ZNF44: variants seen among roughly 807,000 people sequenced by gnomAD.
ZNF44 encodes the protein gonadotropin inducible transcription repressor-2.
A neutral mutation model predicts 11.7 loss-of-function variants in ZNF44; 9 were observed. The ratio of observed to expected loss-of-function variants is 0.77; its 90% confidence interval spans 0.46 to 1.35. ZNF44 has a LOEUF of 1.35. Ranked by LOEUF, ZNF44 falls within the 40% of genes most tolerant of loss-of-function variation. ZNF44 has a pLI of 0.00. For missense variants in ZNF44, 696 were observed against 743.1 expected, an observed-to-expected ratio of 0.94 and a Z score of 0.74; for synonymous variants, 224 against 242.7, an observed-to-expected ratio of 0.92 and a Z score of 0.72.
At chr19:12,292,739 C>T (rs1217805576) in intron 1 of ZNF44, among the ~76,000 whole-genome samples, 1 of 151,748 alleles carries the variant, frequency 6.6e-6, no homozygotes, top group East Asian at 1.9e-4. Context: ...GTCCAGAAGG[C>T]AGAAATCATT....
rs925173379 is a variant in ZNF44 at position 12,272,181 on chromosome 19, T to C, written c.*226A>G. 1 of 580,324 alleles carries C rather than the reference T, an allele frequency of 1.7e-6. No individual in the cohort carries two copies. Among genetic ancestry groups the C allele is most frequent in the Admixed American group, 4.3e-5 (1 of 23,382 alleles). The allele number at this position is 580,324 out of a possible 1,614,324, so 35.9% of individuals were successfully genotyped here. On this transcript the variant is annotated 3_prime_UTR_variant, in exon 4 of 4. Transcript: ENST00000355684. ...CTGGCTATTTTTTTTTTTTTCCGTA[T>C]TTTTAGTAGAGACAGGGTTTCCCAT...
At chr19:12,258,515 T>G (rs549338956) in intron 5 of ZNF44, among the ~76,000 whole-genome samples, 26 of 152,104 alleles carry the variant, frequency 1.7e-4, no homozygotes, top group Admixed American at 1.5e-3. Flanking sequence ...GTCAATCTAA[T>G]TTGTAACTGC....
intron 5 of ZNF44, among the ~76,000 whole-genome samples, chr19:12,257,398 C>G (rs1301796607): frequency 6.6e-6 from 1 of 152,070 alleles, no homozygotes; most frequent in Non-Finnish European, 1.5e-5. Context: ...ACCTATAATC[C>G]CAGCACTTTG....
intron 1 of ZNF44, chr19:12,293,161 C>G (rs1317827740): frequency 6.7e-7 from 1 of 1,482,634 alleles, no homozygotes. Flanking sequence ...TGAGCCACCG[C>G]GCCCAGCCCA....
In ZNF44 at chr19:12,272,858, T is replaced by C. The variant is rs754853245; in HGVS notation, c.1397A>G (p.His466Arg). Reference protein sequence around the residue: ...AFSDLFSFQSHETTHSEEEPY... With the variant: ...AFSDLFSFQSRETTHSEEEPY... ...CTCCTCTTCACTGTGTGTTGTTTCA[T>C]GACTTTGAAAGGAAAATAAATCACT... is the stretch of plus-strand genomic sequence containing the variant. The change falls in exon 4 of 4, where the codon CAT becomes CGT. Residue 466 changes from histidine (H) to arginine (R), a missense_variant. Physicochemically the swap from His to Arg is conservative, Grantham distance 29. Coordinates refer to ENST00000355684, the MANE Select transcript of ZNF44 (RefSeq NM_016264.4). The C allele has an allele frequency of 6.2e-7, 1 of 1,614,124 alleles. No homozygotes were observed. The highest frequency in any genetic ancestry group is 1.1e-5 in the South Asian group (1 of 91,088).
intron 7 of ZNF44, among the ~76,000 whole-genome samples, chr19:12,249,475 C>T (rs1301260632): frequency 3.5e-5 from 5 of 142,382 alleles, no homozygotes; most frequent in African/African-American, 1.3e-4. Context: ...CACTGCACTC[C>T]AGCTTGGGCG....
chr19:12,273,611 T>C lies in ZNF44; in HGVS notation c.644A>G (p.His215Arg). 1 of 1,614,208 alleles carries C rather than the reference T, an allele frequency of 6.2e-7. No homozygotes were observed. Among genetic ancestry groups the C allele is most frequent in the Non-Finnish European group, 8.5e-7 (1 of 1,180,034 alleles). The change falls in exon 4 of 4, where the codon CAT (histidine) becomes CGT (arginine). Residue 215 changes from histidine to arginine, a missense_variant. Physicochemically the swap from His to Arg is conservative, Grantham distance 29. Coordinates refer to ENST00000355684, the MANE Select transcript of ZNF44 (RefSeq NM_016264.4). ...AFFWPSLLRM[H>R]ERTHTGEKPY... Reference sequence around the variant, plus strand: ...TTTCTCTCCAGTGTGAGTTCTTTCATGCATACGTAATAAACTGGGCCAAAA... The same window carrying C: ...TTTCTCTCCAGTGTGAGTTCTTTCACGCATACGTAATAAACTGGGCCAAAA...
chr19:12,276,106 AAAGG>A, intron 1 of ZNF44, 24 bp from the exon 2 acceptor site: 1 of 1,592,838 alleles, frequency 6.3e-7, no homozygotes. Context: ...TATGTCCAGA[AAAGG>A]AAGGTTGAAA....
intron 5 of ZNF44, among the ~76,000 whole-genome samples, chr19:12,255,590 T>C (rs1336013073): frequency 4.6e-5 from 7 of 152,170 alleles, no homozygotes; most frequent in Non-Finnish European, 8.8e-5. Context: ...AACAAGATGC[T>C]TTCCCAGTAA....
chr19:12,293,184 T>C (rs759290630), intron 1 of ZNF44: 3 of 1,519,732 alleles, frequency 2.0e-6, no homozygotes, highest in Non-Finnish European at 2.6e-6. Flanking sequence ...GGTTAGCTTT[T>C]TACAGGAATG....
chr19:12,273,274 G>A lies in ZNF44; in HGVS notation c.981C>T (p.His327=). Residue 327 remains histidine, a synonymous_variant, in exon 4 of 4, where the codon CAC becomes CAT. Coordinates refer to ENST00000355684, the MANE Select transcript of ZNF44 (RefSeq NM_016264.4). ...AFCHLGSFQR[H]MIMHSGDGPH... ...GTCCATCTCCACTGTGCATTATCAT[G>A]TGTCTTTGAAAGCTTCCAAGATGAC... The A allele has an allele frequency of 6.2e-7, 1 of 1,613,466 alleles. No individual in the cohort carries two copies. The highest frequency in any genetic ancestry group is 8.5e-7 in the Non-Finnish European group (1 of 1,179,868).
chr19:12,231,365 C>G (rs1916158926), intron 2 of ZNF44, among the ~76,000 whole-genome samples: 1 of 152,124 alleles, frequency 6.6e-6, no homozygotes, highest in South Asian at 2.1e-4. Context: ...CCCTCCCCGC[C>G]ACTGAACACT....
chr19:12,286,586 G>C (rs1264947269), intron 1 of ZNF44, among the ~76,000 whole-genome samples: 2 of 151,722 alleles, frequency 1.3e-5, no homozygotes, highest in South Asian at 2.1e-4. Flanking sequence ...GCAGTGAGCT[G>C]AGATTGTGCT....
intron 5 of ZNF44, chr19:12,260,187 T>G (rs1487879931): frequency 1.3e-5 from 10 of 769,852 alleles, no homozygotes; most frequent in African/African-American, 5.1e-5. Flanking sequence ...TCAAGAGGAC[T>G]ATGCCGACCT....
chr19:12,256,504 G>A (rs1413237196), intron 5 of ZNF44, among the ~76,000 whole-genome samples: 4 of 151,770 alleles, frequency 2.6e-5, no homozygotes, highest in African/African-American at 7.3e-5. Flanking sequence ...ACAAAAACAC[G>A]CTATTTCTTC....
intron 5 of ZNF44, chr19:12,260,391 C>T: frequency 7.0e-7 from 1 of 1,418,550 alleles, no homozygotes; most frequent in Non-Finnish European, 9.8e-7. Flanking sequence ...TGGCGTCACG[C>T]TCAGCAGCAT....
chr19:12,266,417 G>A (rs1917729798), intron 5 of ZNF44: 3 of 900,680 alleles, frequency 3.3e-6, no homozygotes, highest in South Asian at 5.1e-5. Flanking sequence ...CAAGGCGAGA[G>A]GGAAAAAAAA....
At chr19:12,293,308 A>T in intron 1 of ZNF44, 1 of 1,536,784 alleles carries the variant, frequency 6.5e-7, no homozygotes, top group Non-Finnish European at 8.7e-7. Flanking sequence ...GATATCCACT[A>T]GGCCCTCCAT....
intron 1 of ZNF44, among the ~76,000 whole-genome samples, chr19:12,287,416 G>A (rs560574299): frequency 2.3e-3 from 352 of 152,028 alleles, no homozygotes; most frequent in African/African-American, 7.7e-3. Context: ...GGGTTTCACC[G>A]CATTAGCCAG....
Sources: allele counts gnomAD v4.1 joint callset (sites outside exome capture counted in the v4.1 genomes callset), GRCh38; gene constraint gnomAD v4.1.1; transcripts MANE v1.5; gene names NCBI Gene and HGNC (gene_info 2026-07-23, HGNC 2026-07-21).